Variants in FSTL4 observed in about 807,000 individuals in gnomAD.
FSTL4 encodes follistatin like 4, also known as follistatin-related protein 4.
In FSTL4, 28 loss-of-function variants were observed where a neutral mutation model predicts 78.2. That is an observed-to-expected ratio of 0.36 (90% CI 0.27 to 0.49). FSTL4 has a LOEUF of 0.49. FSTL4 is among the 20% of genes least tolerant of loss of function. The pLI is 0.98. For missense variants in FSTL4, 922 were observed against 1,084.9 expected (o/e 0.85, Z 2.11); for synonymous variants, 422 against 440.5 (o/e 0.96, Z 0.53).
chr5:133,633,447 C>G, the FSTL4 span, among the ~76,000 whole-genome samples: 2 of 152,128 alleles, frequency 1.3e-5, no homozygotes, highest in Non-Finnish European at 2.9e-5. Context: ...TATCTTTCAG[C>G]TTTTACATTT....
At chr5:133,538,873 T>C (rs1468904515) in intron 3 of FSTL4, among the ~76,000 whole-genome samples, 4 of 152,188 alleles carry the variant, frequency 2.6e-5, no homozygotes, top group Non-Finnish European at 5.9e-5. Flanking sequence ...CAGCCAGAGC[T>C]GGGAGAGCGG....
chr5:133,835,460 C>A, the FSTL4 span, among the ~76,000 whole-genome samples: 2 of 152,160 alleles, frequency 1.3e-5, no homozygotes, highest in Non-Finnish European at 2.9e-5. Flanking sequence ...CTTACCTGTT[C>A]CTGAAATTTG....
the FSTL4 span, among the ~76,000 whole-genome samples, chr5:133,678,830 A>C: frequency 6.6e-6 from 1 of 152,024 alleles, no homozygotes; most frequent in African/African-American, 2.4e-5. Context: ...AGGCCTGGAG[A>C]AGTCAGTATT....
At chr5:133,826,628 G>A in the FSTL4 span, among the ~76,000 whole-genome samples, 1 of 152,176 alleles carries the variant, frequency 6.6e-6, no homozygotes, top group Non-Finnish European at 1.5e-5. Context: ...AAGGACACTT[G>A]GATGCAGGGC....
At chr5:133,333,053 C>T (rs1457327214) in intron 4 of FSTL4, among the ~76,000 whole-genome samples, 17 of 152,154 alleles carry the variant, frequency 1.1e-4, no homozygotes, top group Admixed American at 8.5e-4. Context: ...CATACACACA[C>T]ACTCACTCAC....
chr5:133,841,934 AAGGGGTCT>A, the FSTL4 span, among the ~76,000 whole-genome samples: 2 of 152,206 alleles, frequency 1.3e-5, no homozygotes. Context: ...GGAAGCAGCA[AAGGGGTCT>A]AGGGCTTACC....
chr5:133,449,055 G>C (rs1294585937), intron 3 of FSTL4, among the ~76,000 whole-genome samples: 1 of 152,150 alleles, frequency 6.6e-6, no homozygotes, highest in Non-Finnish European at 1.5e-5. Flanking sequence ...GGTTGAAAGG[G>C]AAGGGAGCAT....
Position 133,221,891 on chromosome 5 carries a change from GTTTTTTTTT to G in FSTL4, c.1340-1034_1340-1026del, listed in dbSNP as rs59400068. Among the ~76,000 whole-genome samples the G allele has an allele frequency of 4.0e-3, 172 of 43,330 alleles. 1 individual carries two copies. The highest frequency in any genetic ancestry group is 8.2e-3 in the African/African-American group (154 of 18,796). 28.4% of individuals were successfully genotyped at this position (43,330 alleles called of 152,430 possible). ...AATATGTAGAAAAATCTCTTTTCTA[GTTTTTTTTT>G]TTTTTTTTTTTTTTTTTTTTTTTTT... On this transcript the variant is annotated intron_variant, in intron 11 of 15. Coordinates refer to ENST00000265342, the MANE Select transcript of FSTL4 (RefSeq NM_015082.2).
chr5:133,738,735 G>A, the FSTL4 span, among the ~76,000 whole-genome samples: 8 of 152,096 alleles, frequency 5.3e-5, no homozygotes, highest in Non-Finnish European at 8.8e-5. Flanking sequence ...GAGAGATGAC[G>A]GGAGCAAGTG....
chr5:133,286,258 T>C (rs976823812), intron 6 of FSTL4, among the ~76,000 whole-genome samples: 1 of 152,224 alleles, frequency 6.6e-6, no homozygotes, highest in Non-Finnish European at 1.5e-5. Context: ...ATCTGCCTCA[T>C]AGACTTTTAG....
chr5:133,217,489 A>G, intron 12 of FSTL4, 111 bp from the exon 13 acceptor site: 1 of 981,368 alleles, frequency 1.0e-6, no homozygotes, highest in Non-Finnish European at 1.5e-6. Context: ...CTCTCTTAGA[A>G]TCCTTTGGAT....
the FSTL4 span, among the ~76,000 whole-genome samples, chr5:133,753,102 A>G: frequency 6.6e-6 from 1 of 152,230 alleles, no homozygotes; most frequent in Non-Finnish European, 1.5e-5. Context: ...TATAACAACA[A>G]AAAGAAAAAG....
the FSTL4 span, among the ~76,000 whole-genome samples, chr5:133,774,931 T>G: frequency 6.6e-6 from 1 of 152,188 alleles, no homozygotes; most frequent in Non-Finnish European, 1.5e-5. Flanking sequence ...TAAGTGAAGT[T>G]TCTAAGAATG....
At chr5:133,212,462 C>T (rs1472547389) in intron 13 of FSTL4, among the ~76,000 whole-genome samples, 1 of 152,208 alleles carries the variant, frequency 6.6e-6, no homozygotes, top group East Asian at 1.9e-4. Flanking sequence ...AGGCTGAGCC[C>T]TACAGAAGCT....
chr5:133,483,351 T>C (rs1030182997), intron 3 of FSTL4, among the ~76,000 whole-genome samples: 5 of 152,170 alleles, frequency 3.3e-5, no homozygotes, highest in Non-Finnish European at 7.4e-5. Context: ...GCAAAGGGCA[T>C]GTGACAGAAG....
intron 3 of FSTL4, among the ~76,000 whole-genome samples, chr5:133,514,111 G>C (rs535825712): frequency 6.6e-6 from 1 of 151,344 alleles, no homozygotes; most frequent in Non-Finnish European, 1.5e-5. Context: ...TCCGGGAAGC[G>C]GAGCTTGCAA....
At chr5:133,357,661 T>C (rs1332631031) in intron 4 of FSTL4, among the ~76,000 whole-genome samples, 1 of 152,200 alleles carries the variant, frequency 6.6e-6, no homozygotes, top group Non-Finnish European at 1.5e-5. Context: ...CTTTCATTGC[T>C]TCATTGGCTT....
At chr5:133,275,210 G>A (rs1036443317) in intron 6 of FSTL4, among the ~76,000 whole-genome samples, 3 of 151,968 alleles carry the variant, frequency 2.0e-5, no homozygotes, top group African/African-American at 7.3e-5. Context: ...GTTGCAATGA[G>A]CTGAGATTGC....
chr5:133,486,659 T>C (rs1341885087), intron 3 of FSTL4, among the ~76,000 whole-genome samples: 1 of 152,124 alleles, frequency 6.6e-6, no homozygotes, highest in East Asian at 1.9e-4. Context: ...ACAGTTGTGT[T>C]ACTGCAAAAA....
Sources: allele counts gnomAD v4.1 joint callset (sites outside exome capture counted in the v4.1 genomes callset), GRCh38; gene constraint gnomAD v4.1.1; transcripts MANE v1.5; gene names NCBI Gene and HGNC (gene_info 2026-07-23, HGNC 2026-07-21).